EYS: variants seen among roughly 807,000 people sequenced by gnomAD.
EYS encodes the protein EGF-like photoreceptor maintenance factor, also known as protein eyes shut homolog.
Under a neutral mutation model 282.1 loss-of-function variants are expected in EYS, and 250 were observed. The observed-to-expected ratio is 0.89, with a 90% CI of 0.80 to 0.98. The LOEUF is 0.98. Ranked by LOEUF, EYS falls within the 50% of genes least tolerant of loss-of-function variation. EYS has a pLI of 0.00. For missense variants in EYS, 4,016 were observed against 3,709.0 expected (o/e 1.08, Z -2.15); for synonymous variants, 1,355 against 1,282.9 (o/e 1.06, Z -1.20).
At chr6:64,173,228 C>G (rs1159090573) in intron 31 of EYS, among the ~76,000 whole-genome samples, 3 of 152,068 alleles carry the variant, frequency 2.0e-5, no homozygotes, top group Non-Finnish European at 4.4e-5. Context: ...TGTCATAATG[C>G]CTACAACTAT....
At chr6:64,051,363 T>C (rs1770804906) in intron 33 of EYS, among the ~76,000 whole-genome samples, 1 of 152,160 alleles carries the variant, frequency 6.6e-6, no homozygotes, top group South Asian at 2.1e-4. Flanking sequence ...CCTTTCTTTT[T>C]TTCTTAGAAG....
At chr6:65,614,411 C>T (rs957663925) in intron 2 of EYS, among the ~76,000 whole-genome samples, 1 of 151,960 alleles carries the variant, frequency 6.6e-6, no homozygotes, top group South Asian at 2.1e-4. Context: ...GTATGGATAT[C>T]TCCAGAAAAG....
intron 12 of EYS, among the ~76,000 whole-genome samples, chr6:65,243,978 C>G (rs1017901621): frequency 6.6e-6 from 1 of 152,152 alleles, no homozygotes; most frequent in Non-Finnish European, 1.5e-5. Context: ...AGTTTTTGAA[C>G]CAATAAAGAT....
chr6:64,460,443 G>A (rs1034896540), intron 26 of EYS, among the ~76,000 whole-genome samples: 6 of 152,104 alleles, frequency 3.9e-5, no homozygotes, highest in Non-Finnish European at 5.9e-5. Flanking sequence ...AATAATGTAT[G>A]TTACAATTAA....
chr6:64,382,227 T>C, intron 29 of EYS, among the ~76,000 whole-genome samples: 1 of 152,156 alleles, frequency 6.6e-6, no homozygotes, highest in South Asian at 2.1e-4. Flanking sequence ...CAGGACTTTG[T>C]TCTGGACCTT....
intron 35 of EYS, among the ~76,000 whole-genome samples, chr6:63,947,622 C>T (rs1765437930): frequency 6.6e-6 from 1 of 152,116 alleles, no homozygotes; most frequent in Admixed American, 6.6e-5. Context: ...ATTCGAAGCA[C>T]TAAGCTCTTG....
At chr6:64,380,398 A>C (rs1001540737) in intron 29 of EYS, among the ~76,000 whole-genome samples, 1 of 152,202 alleles carries the variant, frequency 6.6e-6, no homozygotes, top group African/African-American at 2.4e-5. Context: ...TGTTGCTCAA[A>C]GCTGAGTGAT....
At chr6:64,706,709 A>T (rs1206118243) in intron 22 of EYS, among the ~76,000 whole-genome samples, 1 of 152,240 alleles carries the variant, frequency 6.6e-6, no homozygotes, top group Non-Finnish European at 1.5e-5. Flanking sequence ...AACATATAAA[A>T]TAACATTCAT....
intron 28 of EYS, among the ~76,000 whole-genome samples, chr6:64,410,634 T>C (rs190106996): frequency 1.2e-3 from 178 of 152,306 alleles, no homozygotes; most frequent in African/African-American, 3.9e-3. Context: ...GTTGTGTGTA[T>C]GTATTTGTGA....
chr6:63,974,591 C>T (rs1368627172), intron 35 of EYS, among the ~76,000 whole-genome samples: 1 of 151,910 alleles, frequency 6.6e-6, no homozygotes, highest in Admixed American at 6.6e-5. Flanking sequence ...TTTCTTCCCC[C>T]TACTTGTTTG....
At chr6:65,689,475 G>A (rs1582606144) in intron 1 of EYS, among the ~76,000 whole-genome samples, 1 of 149,560 alleles carries the variant, frequency 6.7e-6, no homozygotes, top group Non-Finnish European at 1.5e-5. Context: ...GTATACGTAT[G>A]TAACTAACCT....
At chr6:64,078,007 T>C (rs1771831340) in intron 32 of EYS, among the ~76,000 whole-genome samples, 1 of 152,016 alleles carries the variant, frequency 6.6e-6, no homozygotes. Context: ...CCCGTAAGGA[T>C]TCAAGTTTTA....
At chr6:64,742,393 T>C (rs1171026487) in intron 22 of EYS, among the ~76,000 whole-genome samples, 3 of 152,078 alleles carry the variant, frequency 2.0e-5, no homozygotes, top group Non-Finnish European at 2.9e-5. Flanking sequence ...ATTTAAAATA[T>C]AGTGAAAATT....
intron 5 of EYS, among the ~76,000 whole-genome samples, chr6:65,411,731 T>C (rs1163964147): frequency 1.3e-5 from 2 of 152,048 alleles, no homozygotes; most frequent in Admixed American, 6.6e-5. Flanking sequence ...CCATACAATA[T>C]GTAACTTTTT....
intron 22 of EYS, among the ~76,000 whole-genome samples, chr6:64,769,905 T>C (rs902435945): frequency 3.3e-5 from 5 of 152,028 alleles, no homozygotes; most frequent in African/African-American, 1.2e-4. Flanking sequence ...CTATATCTAC[T>C]TTTCAAATAT....
intron 1 of EYS, among the ~76,000 whole-genome samples, chr6:65,706,092 T>G (rs1314167533): frequency 4.0e-5 from 6 of 151,698 alleles, no homozygotes; most frequent in Non-Finnish European, 2.9e-5. Flanking sequence ...TGTTGCATGC[T>G]TCAATATTCA....
intron 26 of EYS, among the ~76,000 whole-genome samples, chr6:64,572,802 C>T (rs907810506): frequency 1.3e-5 from 2 of 152,160 alleles, no homozygotes; most frequent in African/African-American, 4.8e-5. Context: ...ACATTCCATG[C>T]TCATAGACAG....
rs758389143 is a variant in EYS at position 65,329,400 on chromosome 6, A to T, written c.1766+5580T>A. Reference sequence around the variant, plus strand: ...ATTTCTATATCATTTTACTATAAGGATTTAAGAACCAAGATTATTTGGTTT... The same window carrying T: ...ATTTCTATATCATTTTACTATAAGGTTTTAAGAACCAAGATTATTTGGTTT... On this transcript the variant is annotated intron_variant, in intron 11 of 42. Coordinates refer to ENST00000503581, the MANE Select transcript of EYS (RefSeq NM_001142800.2). 156 of 905,058 alleles carry T rather than the reference A, an allele frequency of 1.7e-4. 1 individual carries two copies. Among genetic ancestry groups the T allele is most frequent in the Admixed American group, 1.6e-3 (26 of 16,014 alleles). 56.1% of individuals were successfully genotyped at this position (905,058 alleles called of 1,614,324 possible).
intron 1 of EYS, among the ~76,000 whole-genome samples, chr6:65,659,394 T>C (rs145676902): frequency 2.6e-5 from 4 of 151,764 alleles, no homozygotes; most frequent in African/African-American, 9.6e-5. Flanking sequence ...TAAGAAAATA[T>C]CCTAGAAAGT....
Sources: gnomAD v4.1 joint callset for allele counts (sites outside exome capture counted in the v4.1 genomes callset) on GRCh38, gnomAD v4.1.1 for gene constraint, MANE v1.5 for transcripts, NCBI Gene and HGNC (gene_info 2026-07-23, HGNC 2026-07-21) for gene names.